Variants in GPR19 observed in about 807,000 individuals in gnomAD.
GPR19 encodes the protein G protein-coupled receptor 19, also known as probable G protein-coupled receptor 19.
GPR19 carries 14 observed loss-of-function variants against 28.5 expected under a neutral mutation model. That is an observed-to-expected ratio of 0.49 (90% confidence interval 0.32 to 0.77). The LOEUF (loss-of-function observed/expected upper bound fraction) is 0.77. GPR19 is among the 30% of genes least tolerant of loss of function. The probability of loss-of-function intolerance (pLI) is 0.03; values close to 1 mark genes in which losing one functional copy is unlikely to be tolerated. For missense variants in GPR19, 409 were observed against 504.1 expected (o/e 0.81, Z 1.81); for synonymous variants, 173 against 184.1 (o/e 0.94, Z 0.49).
At chr12:12,701,919 C>CAAAA in the GPR19 span, among the ~76,000 whole-genome samples, 1 of 96,140 alleles carries the variant, frequency 1.0e-5, no homozygotes, top group African/African-American at 3.7e-5. Context: ...GACCCTGTCT[C>CAAAA]AAAAAAAAAA....
intron 2 of GPR19, chr12:12,685,117 G>A (rs1206469536): frequency 1.3e-5 from 2 of 152,134 alleles, no homozygotes; most frequent in Non-Finnish European, 2.9e-5. Flanking sequence ...CACACCATAT[G>A]TTTAGGGCTC....
At chr12:12,702,908 C>A in the GPR19 span, among the ~76,000 whole-genome samples, 2 of 152,164 alleles carry the variant, frequency 1.3e-5, no homozygotes, top group African/African-American at 4.8e-5. Flanking sequence ...GACTGATAAA[C>A]TGAACTTGGA....
chr12:12,663,976 A>G (rs1945719310), intron 3 of GPR19, among the ~76,000 whole-genome samples: 1 of 152,164 alleles, frequency 6.6e-6, no homozygotes, highest in Admixed American at 6.5e-5. Context: ...TCATAATGAA[A>G]GAACGGTTCT....
At chr12:12,699,218 T>A (rs1045521112), upstream of GPR19, among the ~76,000 whole-genome samples, 23 of 151,974 alleles carry the variant, frequency 1.5e-4, no homozygotes, top group Non-Finnish European at 1.2e-4. Flanking sequence ...GGTGCACACC[T>A]GTAATCCCAG....
At chr12:12,671,222 C>A (rs1032883067) in intron 3 of GPR19, among the ~76,000 whole-genome samples, 2 of 151,522 alleles carry the variant, frequency 1.3e-5, no homozygotes, top group African/African-American at 4.9e-5. Flanking sequence ...AGGAGAATTG[C>A]TTGAACCAGG....
upstream of GPR19, among the ~76,000 whole-genome samples, chr12:12,697,152 G>GAAAAAAAAAAA (rs1565413527): frequency 1.5e-3 from 8 of 5,250 alleles, no homozygotes; most frequent in African/African-American, 2.5e-3. Context: ...TTGAAGCGAA[G>GAAAAAAAAAAA]TAAAAAAAAA....
intron 2 of GPR19, among the ~76,000 whole-genome samples, chr12:12,689,616 G>GT (rs1566162929): frequency 6.6e-6 from 1 of 151,820 alleles, no homozygotes; most frequent in Non-Finnish European, 1.5e-5. Flanking sequence ...CTAACAGGTT[G>GT]TGGTGGTTTT....
chr12:12,676,240 C>A (rs1945929202), intron 3 of GPR19, among the ~76,000 whole-genome samples: 3 of 152,152 alleles, frequency 2.0e-5, no homozygotes, highest in African/African-American at 7.2e-5. Context: ...TTTTTTATTT[C>A]AGCATAAGGA....
At chr12:12,686,200 G>T (rs1946095667) in intron 2 of GPR19, among the ~76,000 whole-genome samples, 1 of 152,180 alleles carries the variant, frequency 6.6e-6, no homozygotes, top group Non-Finnish European at 1.5e-5. Flanking sequence ...GTGTAGAAAT[G>T]AAAACTTTGT....
the GPR19 span, among the ~76,000 whole-genome samples, chr12:12,712,122 C>G: frequency 1.3e-5 from 2 of 152,348 alleles, no homozygotes; most frequent in African/African-American, 2.4e-5. Flanking sequence ...TAAAAAGCAT[C>G]TGCAGCTACA....
the GPR19 span, among the ~76,000 whole-genome samples, chr12:12,712,850 T>G: frequency 6.6e-6 from 1 of 152,160 alleles, no homozygotes; most frequent in Non-Finnish European, 1.5e-5. Context: ...CTAGTTTTTG[T>G]GCACATGGTA....
intron 2 of GPR19, chr12:12,688,830 G>A (rs1038560881): frequency 6.6e-6 from 1 of 152,266 alleles, no homozygotes; most frequent in Non-Finnish European, 1.5e-5. Flanking sequence ...ATCCAAAGGT[G>A]GGCCACGAGT....
intron 3 of GPR19, among the ~76,000 whole-genome samples, chr12:12,678,732 G>C (rs1945974950): frequency 6.6e-6 from 1 of 152,006 alleles, no homozygotes; most frequent in Non-Finnish European, 1.5e-5. Context: ...TTATTGGGTT[G>C]GTGCAAAACA....
Position 12,676,664 on chromosome 12 carries a change from C to T in GPR19, c.-23+7687G>A, listed in dbSNP as rs962539229. 2.0e-5 allele frequency among the ~76,000 whole-genome samples: 3 copies of T among 152,340 alleles called. No individual in the cohort carries two copies. In the East Asian group the frequency reaches 5.8e-4, roughly 29 times the overall value. ...AAAGAGGACCTGCCACCTGTGTTTG[C>T]TTTCCATTCTATCTAATACCAAACC... is the stretch of plus-strand genomic sequence containing the variant. On this transcript the variant is annotated intron_variant, in intron 3 of 3. Transcript: ENST00000651487.
intron 2 of GPR19, among the ~76,000 whole-genome samples, chr12:12,687,823 T>C (rs1946117473): frequency 6.6e-6 from 1 of 152,188 alleles, no homozygotes; most frequent in Non-Finnish European, 1.5e-5. Flanking sequence ...CCAGGCACGG[T>C]GGCATGTGCC....
intron 3 of GPR19, among the ~76,000 whole-genome samples, chr12:12,663,926 A>G (rs1945718606): frequency 6.6e-6 from 1 of 152,196 alleles, no homozygotes; most frequent in Non-Finnish European, 1.5e-5. Context: ...CACCTCACAA[A>G]GAAACATTTC....
At chr12:12,710,308 G>C in the GPR19 span, among the ~76,000 whole-genome samples, 1 of 145,592 alleles carries the variant, frequency 6.9e-6, no homozygotes, top group African/African-American at 2.5e-5. Flanking sequence ...AGCCAAGATC[G>C]TGCCATTACA....
chr12:12,717,241 G>C, the GPR19 span: 1 of 1,055,028 alleles, frequency 9.5e-7, no homozygotes, highest in African/African-American at 1.7e-5. Context: ...GGGAACGAGG[G>C]GAGGTGGCGG....
chr12:12,707,048 C>A, the GPR19 span, among the ~76,000 whole-genome samples: 1 of 151,446 alleles, frequency 6.6e-6, no homozygotes, highest in Admixed American at 6.6e-5. Context: ...CTACTTCCTT[C>A]TTCTCTGACT....
Sources: gnomAD v4.1 joint callset for allele counts (sites outside exome capture counted in the v4.1 genomes callset) on GRCh38, gnomAD v4.1.1 for gene constraint, MANE v1.5 for transcripts, NCBI Gene and HGNC (gene_info 2026-07-23, HGNC 2026-07-21) for gene names.